The following CPQ variants were observed in gnomAD, a reference collection of about 807,000 sequenced individuals.
The protein encoded by CPQ is Ser-Met dipeptidase.
Under a neutral mutation model 45.7 loss-of-function variants are expected in CPQ, and 37 were observed. The observed-to-expected ratio is 0.81, with a 90% CI of 0.62 to 1.07. The LOEUF (loss-of-function observed/expected upper bound fraction) is 1.07, where lower values mean the gene tolerates loss of function less well. CPQ is among the 50% of genes least tolerant of loss of function. The pLI is 0.00. For synonymous variants in CPQ, 186 were observed against 205.8 expected (o/e 0.90, Z 0.82); for missense variants, 537 against 572.9 (o/e 0.94, Z 0.64).
At chr8:96,780,156 C>T (rs566327103) in intron 1 of CPQ, among the ~76,000 whole-genome samples, 2 of 152,260 alleles carry the variant, frequency 1.3e-5, no homozygotes, top group African/African-American at 4.8e-5. Context: ...ATTTACCCTA[C>T]TTGACTTTGA....
chr8:97,119,063 T>C (rs1811647085), intron 7 of CPQ, among the ~76,000 whole-genome samples: 1 of 152,082 alleles, frequency 6.6e-6, no homozygotes, highest in South Asian at 2.1e-4. Flanking sequence ...GCGTGGTGGC[T>C]CACACTTGTA....
intron 1 of CPQ, among the ~76,000 whole-genome samples, chr8:96,749,940 C>T (rs1810237014): frequency 6.6e-6 from 1 of 151,544 alleles, no homozygotes; most frequent in African/African-American, 2.4e-5. Context: ...TATAAAGGTC[C>T]CAAAATAGGG....
At chr8:97,120,580 G>A (rs575274578) in intron 7 of CPQ, among the ~76,000 whole-genome samples, 1 of 152,282 alleles carries the variant, frequency 6.6e-6, no homozygotes, top group African/African-American at 2.4e-5. Flanking sequence ...TAGAAATCCA[G>A]TACACAAATG....
At chr8:97,088,546 G>A (rs1046764029) in intron 7 of CPQ, among the ~76,000 whole-genome samples, 2 of 152,154 alleles carry the variant, frequency 1.3e-5, no homozygotes, top group African/African-American at 2.4e-5. Flanking sequence ...GTTTTCAAAG[G>A]TTATACAATT....
Position 97,129,451 on chromosome 8 carries a change from TGATAA to T in CPQ, c.1256-13563_1256-13559del, listed in dbSNP as rs201470483. 5.7e-3 allele frequency among the ~76,000 whole-genome samples: 871 copies of T among 152,342 alleles called. 9 individuals are homozygous for T. Among genetic ancestry groups the T allele is most frequent in the Non-Finnish European group, 6.3e-3 (431 of 68,030 alleles). ...TAATTATAGAATCATTGTGAGGCTT[TGATAA>T]GATAATGCCTGTAAGTGTTTAGTAC... is the stretch of plus-strand genomic sequence containing the variant. On this transcript the variant is annotated intron_variant, in intron 7 of 7. Transcript: ENST00000220763.
At chr8:96,665,784 C>T (rs143755725) in intron 1 of CPQ, among the ~76,000 whole-genome samples, 135 of 152,206 alleles carry the variant, frequency 8.9e-4, no homozygotes, top group African/African-American at 3.2e-3. Context: ...GACAGGCTCT[C>T]AGTATATGGT....
intron 5 of CPQ, among the ~76,000 whole-genome samples, chr8:96,980,933 C>T (rs536739218): frequency 6.6e-6 from 1 of 152,272 alleles, no homozygotes; most frequent in South Asian, 2.1e-4. Context: ...TTTTCCCATC[C>T]CTTTTGCTCT....
chr8:96,984,114 T>G (rs1161071696), intron 5 of CPQ, among the ~76,000 whole-genome samples: 2 of 152,182 alleles, frequency 1.3e-5, no homozygotes, highest in Admixed American at 1.3e-4. Context: ...CCCTTTCTTT[T>G]TTTTAGTGGT....
chr8:96,858,497 A>G (rs1811882707), intron 3 of CPQ, among the ~76,000 whole-genome samples: 1 of 152,162 alleles, frequency 6.6e-6, no homozygotes, highest in African/African-American at 2.4e-5. Flanking sequence ...GAAAATTACT[A>G]ATGCAAAATT....
intron 2 of CPQ, among the ~76,000 whole-genome samples, chr8:96,787,562 G>C (rs58924508): frequency 3.8e-5 from 1 of 26,430 alleles, no homozygotes; most frequent in Non-Finnish European, 9.8e-5. Context: ...TTTTGTATCA[G>C]AGTAAGACTG....
chr8:96,900,317 G>T (rs998238465), intron 4 of CPQ, among the ~76,000 whole-genome samples: 4 of 152,268 alleles, frequency 2.6e-5, no homozygotes, highest in Admixed American at 2.6e-4. Flanking sequence ...AAGAAAAGAT[G>T]AGCTTGGTTT....
chr8:97,118,688 A>G (rs1319964013), intron 7 of CPQ, among the ~76,000 whole-genome samples: 1 of 152,154 alleles, frequency 6.6e-6, no homozygotes, highest in Non-Finnish European at 1.5e-5. Flanking sequence ...ATGATTTAGT[A>G]CAAGGGTTGG....
chr8:96,869,304 G>C (rs944657604), intron 3 of CPQ, among the ~76,000 whole-genome samples: 2 of 152,002 alleles, frequency 1.3e-5, no homozygotes, highest in South Asian at 2.1e-4. Flanking sequence ...TTCCAAAACT[G>C]TTAACAGCAC....
intron 1 of CPQ, among the ~76,000 whole-genome samples, chr8:96,779,412 G>A (rs555507920): frequency 8.2e-4 from 125 of 151,896 alleles, no homozygotes; most frequent in Non-Finnish European, 1.5e-3. Context: ...TTTCTATTTC[G>A]TGTAAATGCA....
At chr8:97,119,459 G>A (rs1318175371) in intron 7 of CPQ, among the ~76,000 whole-genome samples, 1 of 145,270 alleles carries the variant, frequency 6.9e-6, no homozygotes, top group East Asian at 2.0e-4. Context: ...AAAAAAAAAT[G>A]GTGGGGGGGA....
chr8:96,686,180 AT>A (rs1407308911), intron 1 of CPQ, among the ~76,000 whole-genome samples: 1 of 151,956 alleles, frequency 6.6e-6, no homozygotes, highest in Non-Finnish European at 1.5e-5. Flanking sequence ...ATCTCTTAAA[AT>A]TTTACCTGCA....
chr8:96,891,186 A>G (rs1211658992), intron 4 of CPQ, among the ~76,000 whole-genome samples: 1 of 152,246 alleles, frequency 6.6e-6, no homozygotes, highest in East Asian at 1.9e-4. Context: ...GTGGAATACC[A>G]TGACGGTGGA....
chr8:96,675,194 G>C (rs1809059828), intron 1 of CPQ, among the ~76,000 whole-genome samples: 1 of 152,014 alleles, frequency 6.6e-6, no homozygotes, highest in East Asian at 1.9e-4. Context: ...CTTCCTCCTT[G>C]CTCTAAGCCA....
At chr8:96,812,352 G>A (rs1811169703) in intron 2 of CPQ, among the ~76,000 whole-genome samples, 1 of 152,040 alleles carries the variant, frequency 6.6e-6, no homozygotes, top group Non-Finnish European at 1.5e-5. Context: ...ATTTTTAAAA[G>A]GATTAAAAGC....
Sources: allele counts gnomAD v4.1 joint callset (sites outside exome capture counted in the v4.1 genomes callset), GRCh38; gene constraint gnomAD v4.1.1; transcripts MANE v1.5; gene names NCBI Gene and HGNC (gene_info 2026-07-23, HGNC 2026-07-21).